The following DNAJC3 variants were observed in gnomAD, a reference collection of about 807,000 sequenced individuals.
DNAJC3 encodes the protein dnaJ homolog subfamily C member 3.
Under a neutral mutation model 68.6 loss-of-function variants are expected in DNAJC3, and 38 were observed. That is an observed-to-expected ratio of 0.55 (90% CI 0.43 to 0.73). The LOEUF (loss-of-function observed/expected upper bound fraction) is 0.73. DNAJC3 is among the 30% of genes least tolerant of loss of function. DNAJC3 has a pLI of 0.00. For missense variants in DNAJC3, 526 were observed against 591.9 expected, an observed-to-expected ratio of 0.89 and a Z score of 1.16; for synonymous variants, 203 against 204.0, an observed-to-expected ratio of 1.00 and a Z score of 0.04.
chr13:95,728,193 G>A (rs1360317779), intron 4 of DNAJC3, among the ~76,000 whole-genome samples: 1 of 152,150 alleles, frequency 6.6e-6, no homozygotes, highest in Non-Finnish European at 1.5e-5. Flanking sequence ...GTGTGAACGT[G>A]AATTTTTGTT....
intron 6 of DNAJC3, among the ~76,000 whole-genome samples, 173 bp downstream of exon 6, chr13:95,760,394 CAT>C (rs1003346293): frequency 5.3e-5 from 8 of 152,096 alleles, no homozygotes; most frequent in Non-Finnish European, 8.8e-5. Flanking sequence ...TTTAATTCCA[CAT>C]AGTTTGTTTT....
rs767013562 is a variant in DNAJC3, at chr13:95,757,634, T to A, written c.394-10T>A. 2 of 1,539,332 alleles carry A rather than the reference T, an allele frequency of 1.3e-6. No individual in the cohort carries two copies. Among genetic ancestry groups the A allele is most frequent in the Admixed American group, 1.8e-5 (1 of 55,702 alleles). On this transcript the variant is annotated splice_polypyrimidine_tract_variant and intron_variant, in intron 4 of 11. Transcript: ENST00000602402. ...TAAAAACTCTGCTTAGTTTTTTATT[T>A]TCCTTATAGCTCAAATCTAATCCAA...
chr13:95,691,433 G>C (rs1222451964), intron 1 of DNAJC3, among the ~76,000 whole-genome samples: 12 of 151,532 alleles, frequency 7.9e-5, no homozygotes, highest in African/African-American at 1.7e-4. Flanking sequence ...CAGGGCAGAG[G>C]TGCTCCTCAC....
At chr13:95,767,334 G>GACAACATGTGATGGATTTCACA (rs1436583000) in intron 9 of DNAJC3, among the ~76,000 whole-genome samples, 2 of 152,166 alleles carry the variant, frequency 1.3e-5, no homozygotes, top group Admixed American at 1.3e-4. Flanking sequence ...GTTCATCCAT[G>GACAACATGTGATGGATTTCACA]TTGTAGCATG....
rs767047275 is a variant in DNAJC3 at position 95,760,635 on chromosome 13, T to C, written c.729-44T>C. ...ATTTCTGTGGAAAACTACTCATTGA[T>C]TGTTTTGACATGGAGTATTTTCCTT... On this transcript the variant is annotated intron_variant, in intron 6 of 11. Coordinates refer to ENST00000602402, the MANE Select transcript of DNAJC3 (RefSeq NM_006260.5). 4 of 1,561,898 alleles carry C rather than the reference T, an allele frequency of 2.6e-6. No homozygotes were observed. The East Asian group carries it at 9.2e-5, about 36-fold the overall frequency.
intron 2 of DNAJC3, among the ~76,000 whole-genome samples, chr13:95,710,423 G>A (rs1314075022): frequency 6.6e-6 from 1 of 151,894 alleles, no homozygotes; most frequent in Admixed American, 6.6e-5. Context: ...TAGAGATGGG[G>A]TCTCACTATG....
chr13:95,790,371 A>C (rs573476434), intron 11 of DNAJC3, among the ~76,000 whole-genome samples: 2 of 152,118 alleles, frequency 1.3e-5, no homozygotes, highest in South Asian at 2.1e-4. Context: ...CATGGGAGGG[A>C]AAGGTGAACC....
intron 9 of DNAJC3, among the ~76,000 whole-genome samples, chr13:95,784,131 T>C (rs1418647943): frequency 1.3e-5 from 2 of 152,242 alleles, no homozygotes; most frequent in Non-Finnish European, 2.9e-5. Context: ...GTTGCGAAGA[T>C]GAGTGTTCAC....
At position 95,677,142 on chromosome 13, in the gene DNAJC3, G is replaced by C. The variant is rs928352913; in HGVS notation, c.-114G>C. ...CTGCCTTCCTCTGCTGGGCTCCAGA[G>C]CCACTGAGGCCTGAGCGAGAGCCGA... On this transcript the variant is annotated 5_prime_UTR_variant, in exon 1 of 12. Coordinates refer to ENST00000602402, the MANE Select transcript of DNAJC3 (RefSeq NM_006260.5). 8.2e-6 allele frequency: 7 copies of C among 854,240 alleles called. No homozygotes were observed. In the African/African-American group the frequency reaches 1.1e-4, roughly 13 times the overall value. 52.9% of individuals were successfully genotyped at this position (854,240 alleles called of 1,614,324 possible).
intron 9 of DNAJC3, among the ~76,000 whole-genome samples, chr13:95,767,173 G>A (rs73554955): frequency 0.015 from 2,278 of 152,086 alleles, 61 homozygotes; most frequent in African/African-American, 0.052. Context: ...TTAAACAGCC[G>A]CTCCTTTTTA....
At chr13:95,706,323 A>G (rs1880745297) in intron 1 of DNAJC3, among the ~76,000 whole-genome samples, 1 of 152,252 alleles carries the variant, frequency 6.6e-6, no homozygotes, top group Non-Finnish European at 1.5e-5. Flanking sequence ...TTAGTTACAA[A>G]AAACGGTTTG....
At chr13:95,751,032 T>G (rs1308760805) in intron 4 of DNAJC3, among the ~76,000 whole-genome samples, 2 of 152,106 alleles carry the variant, frequency 1.3e-5, no homozygotes, top group Non-Finnish European at 2.9e-5. Context: ...GATTGCAGCT[T>G]GAGACCAACC....
chr13:95,778,560 T>G (rs185804506), intron 9 of DNAJC3, among the ~76,000 whole-genome samples: 70 of 152,308 alleles, frequency 4.6e-4, no homozygotes, highest in African/African-American at 1.6e-3. Context: ...TTGAAGACAT[T>G]TTGCTAAATT....
At chr13:95,709,144 A>G (rs1397397573) in intron 1 of DNAJC3, 83 bp from the exon 2 acceptor site, 2 of 993,114 alleles carry the variant, frequency 2.0e-6, no homozygotes, top group African/African-American at 1.7e-5. Flanking sequence ...ACTGAGACAG[A>G]TAACTATTTT....
chr13:95,681,251 T>C lies in DNAJC3; in HGVS notation c.82+3914T>C, dbSNP rs539245890. On this transcript the variant is annotated intron_variant, in intron 1 of 11. Coordinates refer to ENST00000602402, the MANE Select transcript of DNAJC3 (RefSeq NM_006260.5). The stretch of plus-strand genomic sequence containing the variant: ...CTCACCTGCCAAAACCCAACACTGG[T>C]TAAATTCAACTTGGCCAACTGTTTT... Among the ~76,000 whole-genome samples the C allele has an allele frequency of 1.5e-4, 23 of 152,334 alleles. No homozygotes were observed. The South Asian group carries it at 3.9e-3, about 26-fold the overall frequency.
intron 9 of DNAJC3, among the ~76,000 whole-genome samples, chr13:95,779,336 G>A (rs924641351): frequency 6.6e-6 from 1 of 151,866 alleles, no homozygotes; most frequent in Non-Finnish European, 1.5e-5. Context: ...GTGTTAGCCA[G>A]GATGGTCTCG....
chr13:95,750,103 G>C (rs965955341), intron 4 of DNAJC3, among the ~76,000 whole-genome samples: 8 of 151,990 alleles, frequency 5.3e-5, no homozygotes, highest in Admixed American at 1.3e-4. Context: ...CTGCCTACTT[G>C]ACATTTAGAT....
At chr13:95,718,844 C>T (rs1193828791) in intron 2 of DNAJC3, among the ~76,000 whole-genome samples, 1 of 152,206 alleles carries the variant, frequency 6.6e-6, no homozygotes, top group African/African-American at 2.4e-5. Context: ...AATTTCTCTC[C>T]ACCAAGTAAT....
intron 4 of DNAJC3, among the ~76,000 whole-genome samples, chr13:95,728,821 C>T (rs928295298): frequency 2.6e-5 from 4 of 152,154 alleles, no homozygotes; most frequent in Non-Finnish European, 4.4e-5. Context: ...GAACATTTCA[C>T]GTTCTCCCAG....
Sources: gnomAD v4.1 joint callset for allele counts (sites outside exome capture counted in the v4.1 genomes callset) on GRCh38, gnomAD v4.1.1 for gene constraint, MANE v1.5 for transcripts, NCBI Gene and HGNC (gene_info 2026-07-23, HGNC 2026-07-21) for gene names.